The following DCLK1 variants were observed in gnomAD, a reference collection of about 807,000 sequenced individuals.
The protein encoded by DCLK1 is doublecortin like kinase 1, also known as serine/threonine-protein kinase DCLK1.
A neutral mutation model predicts 86.2 loss-of-function variants in DCLK1; 16 were observed. The observed-to-expected ratio is 0.19, with a 90% CI of 0.13 to 0.28. The LOEUF is 0.28. Among genes scored for constraint, DCLK1 ranks in the 10% least tolerant of loss-of-function variants. The pLI is 1.00. For missense variants in DCLK1, 590 were observed against 940.2 expected (o/e 0.63, Z 4.87); for synonymous variants, 369 against 370.5 (o/e 1.00, Z 0.05).
At chr13:36,120,759 A>G (rs1449137519) in intron 2 of DCLK1, among the ~76,000 whole-genome samples, 1 of 151,874 alleles carries the variant, frequency 6.6e-6, no homozygotes, top group African/African-American at 2.4e-5. Context: ...CTTTAAACAC[A>G]TGAAAAGATG....
chr13:36,043,274 T>G (rs1432458803), intron 3 of DCLK1, among the ~76,000 whole-genome samples: 1 of 151,832 alleles, frequency 6.6e-6, no homozygotes, highest in Non-Finnish European at 1.5e-5. Context: ...AAGAGAGTAT[T>G]CTGAAAAATA....
At chr13:36,125,615 T>A in intron 2 of DCLK1, 147 bp downstream of exon 2, 2 of 1,214,356 alleles carry the variant, frequency 1.6e-6, no homozygotes, top group Non-Finnish European at 2.2e-6. Flanking sequence ...CTCTACACAA[T>A]AGCACATTCG....
intron 4 of DCLK1, among the ~76,000 whole-genome samples, chr13:35,938,586 G>A (rs1283998237): frequency 1.3e-5 from 2 of 151,742 alleles, no homozygotes; most frequent in South Asian, 2.1e-4. Context: ...CCAAGATCGC[G>A]CCACTGCACT....
intron 3 of DCLK1, among the ~76,000 whole-genome samples, chr13:36,070,642 T>TG (rs1374408707): frequency 6.1e-5 from 5 of 81,572 alleles, no homozygotes; most frequent in African/African-American, 1.1e-4. Flanking sequence ...TTTTTTAACT[T>TG]AATTTTTTTT....
chr13:36,090,570 G>A (rs932958288), intron 3 of DCLK1, among the ~76,000 whole-genome samples: 1 of 152,144 alleles, frequency 6.6e-6, no homozygotes, highest in Non-Finnish European at 1.5e-5. Context: ...GCTCTCTGGA[G>A]GTAGCACAGA....
At position 36,130,623 on chromosome 13, in the gene DCLK1, G is replaced by T. The variant is rs9575370; in HGVS notation, c.-20+491C>A. On this transcript the variant is annotated intron_variant, in intron 1 of 16. Transcript: ENST00000360631. ...CTGCAAACGTACTTGCAACACCCAC[G>T]CTGCAGCCACCACCACGCACGAATC... Among the ~76,000 whole-genome samples, 581 of 152,210 alleles carry T rather than the reference G, an allele frequency of 3.8e-3. 16 individuals carry two copies. The highest frequency in any genetic ancestry group is 0.026 in the Admixed American group (402 of 15,296).
chr13:35,784,025 C>T (rs1403812162), intron 16 of DCLK1, among the ~76,000 whole-genome samples: 1 of 152,164 alleles, frequency 6.6e-6, no homozygotes, highest in African/African-American at 2.4e-5. Context: ...TGTATGATTT[C>T]CTGTGCATTT....
At chr13:36,048,967 T>C (rs1380847037) in intron 3 of DCLK1, among the ~76,000 whole-genome samples, 3 of 152,074 alleles carry the variant, frequency 2.0e-5, no homozygotes, top group Non-Finnish European at 4.4e-5. Flanking sequence ...AGGCTGGGAG[T>C]GGTTTCACAT....
intron 6 of DCLK1, among the ~76,000 whole-genome samples, chr13:35,839,409 T>A (rs1869632382): frequency 6.6e-6 from 1 of 152,142 alleles, no homozygotes; most frequent in African/African-American, 2.4e-5. Flanking sequence ...ATTGTGAACT[T>A]GAATGTTCCG....
At chr13:35,838,599 T>A (rs1257153069) in intron 7 of DCLK1, among the ~76,000 whole-genome samples, 3 of 152,208 alleles carry the variant, frequency 2.0e-5, no homozygotes, top group African/African-American at 7.2e-5. Flanking sequence ...CATTCTGCAG[T>A]GAATTACCTC....
At chr13:36,076,313 G>A (rs1157435550) in intron 3 of DCLK1, among the ~76,000 whole-genome samples, 2 of 152,102 alleles carry the variant, frequency 1.3e-5, no homozygotes, top group East Asian at 3.9e-4. Flanking sequence ...GAATTTATGG[G>A]CACTTTCACA....
chr13:36,069,943 T>C (rs929531598), intron 3 of DCLK1, among the ~76,000 whole-genome samples: 4 of 152,210 alleles, frequency 2.6e-5, no homozygotes, highest in African/African-American at 7.2e-5. Flanking sequence ...TCCAGCAGGA[T>C]GCCTTGCCTT....
intron 4 of DCLK1, among the ~76,000 whole-genome samples, chr13:35,909,587 C>T (rs536528554): frequency 3.7e-5 from 5 of 134,770 alleles, no homozygotes; most frequent in Non-Finnish European, 7.9e-5. Context: ...TTATTAATTG[C>T]TGTGTGCATA....
intron 3 of DCLK1, among the ~76,000 whole-genome samples, chr13:36,060,691 TA>T (rs1168794583): frequency 6.6e-6 from 1 of 152,024 alleles, no homozygotes; most frequent in Non-Finnish European, 1.5e-5. Context: ...AATGAGTTAA[TA>T]AAAAAAGATG....
At chr13:36,070,357 G>A (rs1056819538) in intron 3 of DCLK1, among the ~76,000 whole-genome samples, 2 of 152,112 alleles carry the variant, frequency 1.3e-5, no homozygotes, top group African/African-American at 2.4e-5. Flanking sequence ...CTCTATAAAC[G>A]TAAACTAGTA....
At chr13:36,089,271 G>A (rs1480721922) in intron 3 of DCLK1, among the ~76,000 whole-genome samples, 1 of 152,180 alleles carries the variant, frequency 6.6e-6, no homozygotes, top group Non-Finnish European at 1.5e-5. Flanking sequence ...TCTACTTGAT[G>A]AGAAAACCTC....
intron 3 of DCLK1, among the ~76,000 whole-genome samples, chr13:36,069,079 C>T (rs1057402433): frequency 1.3e-5 from 2 of 152,150 alleles, no homozygotes; most frequent in Non-Finnish European, 2.9e-5. Flanking sequence ...TTAATAATCC[C>T]ATGAGACACT....
At chr13:35,886,006 CCTT>C in intron 4 of DCLK1, among the ~76,000 whole-genome samples, 1 of 136,212 alleles carries the variant, frequency 7.3e-6, no homozygotes, top group African/African-American at 2.7e-5. Flanking sequence ...TGAATAGGTT[CCTT>C]TTTTTTTTTT....
intron 11 of DCLK1, among the ~76,000 whole-genome samples, chr13:35,819,181 G>T (rs1248058582): frequency 1.3e-5 from 2 of 152,106 alleles, no homozygotes; most frequent in Non-Finnish European, 2.9e-5. Context: ...AATTTGGGGG[G>T]AAAAACTTTA....
Sources: allele counts gnomAD v4.1 joint callset (sites outside exome capture counted in the v4.1 genomes callset), GRCh38; gene constraint gnomAD v4.1.1; transcripts MANE v1.5; gene names NCBI Gene and HGNC (gene_info 2026-07-23, HGNC 2026-07-21).